ZER1: variants seen among roughly 807,000 people sequenced by gnomAD.
ZER1 encodes the protein protein zer-1 homolog.
Under a neutral mutation model 78.8 loss-of-function variants are expected in ZER1, and 11 were observed. That is an observed-to-expected ratio of 0.14 (90% CI 0.09 to 0.23). ZER1 has a LOEUF of 0.23. Ranked by LOEUF, ZER1 falls within the 10% of genes least tolerant of loss-of-function variation. The pLI is 1.00. For synonymous variants in ZER1, 400 were observed against 407.0 expected (o/e 0.98, Z 0.21); for missense variants, 588 against 996.9 (o/e 0.59, Z 5.52).
chr9:128,731,210 A>T lies in ZER1; in HGVS notation c.*127T>A, dbSNP rs1431980950. On this transcript the variant is annotated 3_prime_UTR_variant, in exon 16 of 16. Coordinates refer to ENST00000291900, the MANE Select transcript of ZER1 (RefSeq NM_006336.4). Reference sequence around the variant, plus strand: ...CATTAAGGAAAAGCGTCGGTTGTGCAAAAGTCCCCCATGTCTCTTCACTCC... The same window carrying T: ...CATTAAGGAAAAGCGTCGGTTGTGCTAAAGTCCCCCATGTCTCTTCACTCC... 4.6e-6 allele frequency: 3 copies of T among 651,820 alleles called. No homozygotes were observed. The highest frequency in any genetic ancestry group is 7.6e-6 in the Non-Finnish European group (3 of 393,520). 40.4% of individuals were successfully genotyped at this position (651,820 alleles called of 1,614,324 possible). A position where few individuals can be genotyped will look rare whatever the true frequency, so the allele number is the denominator to read the frequency against.
intron 8 of ZER1, among the ~76,000 whole-genome samples, chr9:128,743,086 G>C (rs1863358524): frequency 6.6e-6 from 1 of 151,822 alleles, no homozygotes; most frequent in African/African-American, 2.4e-5. Context: ...CCCCCCTAGA[G>C]AGAACCACTA....
intron 9 of ZER1, among the ~76,000 whole-genome samples, 171 bp from the exon 10 acceptor site, chr9:128,742,012 C>T (rs1405596055): frequency 1.3e-5 from 2 of 152,206 alleles, no homozygotes; most frequent in Non-Finnish European, 2.9e-5. Context: ...ACGCCTCAGC[C>T]CCTTGGTATT....
At chr9:128,735,523 G>A in intron 13 of ZER1, 92 bp from the exon 14 acceptor site, 1 of 1,254,680 alleles carries the variant, frequency 8.0e-7, no homozygotes, top group Non-Finnish European at 1.1e-6. Flanking sequence ...GAGAATCCTA[G>A]TGACCAACCA....
chr9:128,752,549 G>A lies in ZER1; in HGVS notation c.923+124C>T, dbSNP rs1589533910. ...TTGGCCAGGCTGGTCTCTAACTCCT[G>A]GCCTCAAGTGATCCGCCCATCTTGG... On this transcript the variant is annotated intron_variant, in intron 5 of 15. Transcript: ENST00000291900. 14 of 1,078,560 alleles carry A rather than the reference G, an allele frequency of 1.3e-5. No homozygotes were observed. In the East Asian group the frequency reaches 3.7e-4, roughly 29 times the overall value. The allele number at this position is 1,078,560 out of a possible 1,614,324, so 66.8% of individuals were successfully genotyped here. A position where few individuals can be genotyped will look rare whatever the true frequency, so the allele number is the denominator to read the frequency against.
chr9:128,746,186 G>A (rs1222848918), intron 8 of ZER1: 1 of 152,106 alleles, frequency 6.6e-6, no homozygotes, highest in African/African-American at 2.4e-5. Context: ...TTTCCTCTAA[G>A]AACAGTTCTA....
rs1315352149 is a variant in ZER1 at position 128,746,941 on chromosome 9, A to AT, written c.1359+3674_1359+3675insA. Among the ~76,000 whole-genome samples, 6 of 151,874 alleles carry AT rather than the reference A, an allele frequency of 4.0e-5. No homozygotes were observed. The East Asian group carries it at 5.8e-4, about 15-fold the overall frequency. On this transcript the variant is annotated intron_variant, in intron 8 of 15. Coordinates refer to ENST00000291900, the MANE Select transcript of ZER1 (RefSeq NM_006336.4). ...ATGAGCCACTGCGCCGGCCTAAAAA[A>AT]ATTTTTTTGTAGAGAAGGGGCAGGT... is the stretch of plus-strand genomic sequence containing the variant.
At chr9:128,772,054 C>T (rs10113946), upstream of ZER1, 11,365 of 152,384 alleles carry the variant, frequency 0.075, 813 homozygotes, top group African/African-American at 0.18. Context: ...TTTCCCCGGG[C>T]CCGGCACGTT....
At position 128,755,281 on chromosome 9, in the gene ZER1, GCACA is replaced by G; in HGVS notation, c.158+123_158+126del. The stretch of plus-strand genomic sequence containing the variant: ...CTCTTGCAGCCATGAACATCCATGT[GCACA>G]CACACACACCCTCACACATTCATCT... On this transcript the variant is annotated intron_variant, in intron 2 of 15. Coordinates refer to ENST00000291900, the MANE Select transcript of ZER1 (RefSeq NM_006336.4). This position sits in a 1 kb window ranked among gnomAD's most constrained non-coding sequence, Gnocchi z 5.6. The G allele has an allele frequency of 2.3e-6, 3 of 1,313,818 alleles. No individual in the cohort carries two copies. The highest frequency in any genetic ancestry group is 3.2e-6 in the Non-Finnish European group (3 of 932,890). The allele number at this position is 1,313,818 out of a possible 1,614,324, so 81.4% of individuals were successfully genotyped here.
At chr9:128,771,977 C>G (rs537209538), upstream of ZER1, 4 of 152,380 alleles carry the variant, frequency 2.6e-5, no homozygotes, top group Admixed American at 6.5e-5. Context: ...ATCGGGTTCC[C>G]CCGACCCGTC....
rs902767942 is a variant in ZER1, at chr9:128,732,838, C to G, written c.2243+588G>C. The G allele has an allele frequency of 1.3e-5, 2 of 153,364 alleles. No individual in the cohort carries two copies. Among genetic ancestry groups the G allele is most frequent in the African/African-American group, 4.8e-5 (2 of 41,472 alleles). 9.5% of individuals were successfully genotyped at this position (153,364 alleles called of 1,614,324 possible). A position where few individuals can be genotyped will look rare whatever the true frequency, so the allele number is the denominator to read the frequency against. ...CGGGTCAGCTTGACTGTTCTCCCTTCTAGAATGAATCCTGGAGAAAACAAG... is the reference window on the plus strand; with the variant it reads ...CGGGTCAGCTTGACTGTTCTCCCTTGTAGAATGAATCCTGGAGAAAACAAG... On this transcript the variant is annotated intron_variant, in intron 15 of 15. Coordinates refer to ENST00000291900, the MANE Select transcript of ZER1 (RefSeq NM_006336.4). The surrounding 1 kb of genome is among the most constrained non-coding windows in gnomAD (Gnocchi z 4.8).
In ZER1 at chr9:128,759,881, G is replaced by T. The variant is rs374769301; in HGVS notation, c.-94-4222C>A. 4.8e-4 allele frequency among the ~76,000 whole-genome samples: 73 copies of T among 152,214 alleles called. No homozygotes were observed. The East Asian group carries it at 5.6e-3, about 12-fold the overall frequency. On this transcript the variant is annotated intron_variant, in intron 1 of 15. Transcript: ENST00000291900. ...ATGTATTTTTTTGTTTGTTTGTTTG[G>T]TTGGTTGTTTTTTTCTGAGACAGAG...
chr9:128,753,046 C>A lies in ZER1; in HGVS notation c.746+118G>T. 1 of 1,232,728 alleles carries A rather than the reference C, an allele frequency of 8.1e-7. No homozygotes were observed. Among genetic ancestry groups the A allele is most frequent in the Non-Finnish European group, 1.1e-6 (1 of 908,754 alleles). The allele number at this position is 1,232,728 out of a possible 1,614,324, so 76.4% of individuals were successfully genotyped here. On this transcript the variant is annotated intron_variant, in intron 4 of 15. Transcript: ENST00000291900. This position sits in a 1 kb window ranked among gnomAD's most constrained non-coding sequence, Gnocchi z 7.5. ...TTAAGGAATGGGACTGTGTCTTCATCCCCACCCTCTGCCTAGCCAAGCGCT... is the reference window on the plus strand; with the variant it reads ...TTAAGGAATGGGACTGTGTCTTCATACCCACCCTCTGCCTAGCCAAGCGCT...
At position 128,735,760 on chromosome 9, in the gene ZER1, G is replaced by GTTTTTTTTTTTTTTTTTTTTTTTTTTT. The variant is rs779646793; in HGVS notation, c.2043-330_2043-329insAAAAAAAAAAAAAAAAAAAAAAAAAAA. Among the ~76,000 whole-genome samples the GTTTTTTTTTTTTTTTTTTTTTTTTTTT allele has an allele frequency of 3.7e-4, 6 of 16,176 alleles. 3 individuals carry two copies. Among genetic ancestry groups the GTTTTTTTTTTTTTTTTTTTTTTTTTTT allele is most frequent in the African/African-American group, 3.3e-4 (2 of 6,048 alleles). The allele number at this position is 16,176 out of a possible 152,430, so 10.6% of individuals were successfully genotyped here. On this transcript the variant is annotated intron_variant, in intron 13 of 15. Coordinates refer to ENST00000291900, the MANE Select transcript of ZER1 (RefSeq NM_006336.4). ...CTGGGAACAGAAGCACGTGTGACCT[G>GTTTTTTTTTTTTTTTTTTTTTTTTTTT]GTTTTTTTTTTTTTTTTTTTTTTTT...
chr9:128,768,195 T>C (rs1864275653), intron 1 of ZER1, among the ~76,000 whole-genome samples: 1 of 152,028 alleles, frequency 6.6e-6, no homozygotes, highest in Non-Finnish European at 1.5e-5. Flanking sequence ...CACAAATAGA[T>C]AACCAGACAG....
rs953627210 is a variant in ZER1 at position 128,757,852 on chromosome 9, C to T, written c.-94-2193G>A. Among the ~76,000 whole-genome samples the T allele has an allele frequency of 1.1e-4, 17 of 152,106 alleles. No individual in the cohort carries two copies. The East Asian group carries it at 1.9e-3, about 17-fold the overall frequency. On this transcript the variant is annotated intron_variant, in intron 1 of 15. Coordinates refer to ENST00000291900, the MANE Select transcript of ZER1 (RefSeq NM_006336.4). Reference sequence around the variant, plus strand: ...TATTTACTAAAGCTGAACGTACATACGTTCAACACTTAGCAACTTGACTCC... The same window carrying T: ...TATTTACTAAAGCTGAACGTACATATGTTCAACACTTAGCAACTTGACTCC...
At chr9:128,744,385 G>A (rs1425739560) in intron 8 of ZER1, among the ~76,000 whole-genome samples, 1 of 150,148 alleles carries the variant, frequency 6.7e-6, no homozygotes, top group Non-Finnish European at 1.5e-5. Context: ...GTAGAGACAG[G>A]GTTTTACCAT....
At chr9:128,731,437 TG>T (rs770396320) in intron 15 of ZER1, 43 bp from the exon 16 acceptor site, 3 of 452,346 alleles carry the variant, frequency 6.6e-6, no homozygotes, top group African/African-American at 5.6e-5. Flanking sequence ...TGGGCTTGGG[TG>T]GGGGTGAGCC....
intron 1 of ZER1, among the ~76,000 whole-genome samples, chr9:128,765,698 G>A (rs915750821): frequency 6.6e-6 from 1 of 152,106 alleles, no homozygotes; most frequent in South Asian, 2.1e-4. Context: ...CCAAACAAAT[G>A]CCCTATTTAC....
In ZER1 at chr9:128,732,033, CT is replaced by C. The variant is rs1168733800; in HGVS notation, c.2244-640del. 6.6e-6 allele frequency among the ~76,000 whole-genome samples: 1 copy of C among 152,230 alleles called. No individual in the cohort carries two copies. The highest frequency in any genetic ancestry group is 2.4e-5 in the African/African-American group (1 of 41,458). On this transcript the variant is annotated intron_variant, in intron 15 of 15. Transcript: ENST00000291900. This position sits in a 1 kb window ranked among gnomAD's most constrained non-coding sequence, Gnocchi z 4.8. ...CAACACCAAGCCTGTGGTTTGGGGG[CT>C]TCACTGCAGCCTCTGTGTGTTAAAG...
Sources: allele counts gnomAD v4.1 joint callset (sites outside exome capture counted in the v4.1 genomes callset), GRCh38; gene constraint gnomAD v4.1.1; non-coding constraint Gnocchi (gnomAD v3.1); transcripts MANE v1.5; gene names NCBI Gene and HGNC (gene_info 2026-07-23, HGNC 2026-07-21).